The following MFAP2 variants were observed in gnomAD, a reference collection of about 807,000 sequenced individuals.
The protein encoded by MFAP2 is microfibril associated protein 2.
MFAP2 carries 23 observed loss-of-function variants against 30.6 expected under a neutral mutation model. The ratio of observed to expected loss-of-function variants is 0.75; its 90% confidence interval spans 0.54 to 1.07. The LOEUF (loss-of-function observed/expected upper bound fraction) is 1.07, where lower values mean the gene tolerates loss of function less well. Ranked by LOEUF, MFAP2 falls within the 50% of genes least tolerant of loss-of-function variation. MFAP2 has a pLI of 0.00. For missense variants in MFAP2, 198 were observed against 223.8 expected, an observed-to-expected ratio of 0.88 and a Z score of 0.74; for synonymous variants, 73 against 85.7, an observed-to-expected ratio of 0.85 and a Z score of 0.82.
chr1:16,978,100 A>C, intron 2 of MFAP2, 137 bp downstream of exon 2: 1 of 939,334 alleles, frequency 1.1e-6, no homozygotes, highest in South Asian at 1.7e-5. Flanking sequence ...TGGTCCAAGC[A>C]GGCAGAAGGC....
At position 16,975,269 on chromosome 1, in the gene MFAP2, C is replaced by CT; in HGVS notation, c.447dup (p.Ala150SerfsTer2). 1 of 1,613,282 alleles carries CT rather than the reference C, an allele frequency of 6.2e-7. No individual in the cohort carries two copies. Among genetic ancestry groups the CT allele is most frequent in the Non-Finnish European group, 8.5e-7 (1 of 1,179,550 alleles). ...GGTCTTGGGGAGGTGGCCTTCCTAC[C>CT]TCGGAGGAGCTCCTCATGGGCACAC... On this transcript the variant is annotated frameshift_variant and splice_region_variant, in exon 8 of 9. Transcript: ENST00000375535. LOFTEE classifies it high-confidence loss of function. This position sits in a 1 kb window ranked among gnomAD's most constrained non-coding sequence, Gnocchi z 5.0.
In MFAP2 at chr1:16,975,814, T is replaced by A; in HGVS notation, c.287-84A>T. On this transcript the variant is annotated intron_variant, in intron 6 of 8. Coordinates refer to ENST00000375535, the MANE Select transcript of MFAP2 (RefSeq NM_002403.4). The surrounding 1 kb of genome is among the most constrained non-coding windows in gnomAD (Gnocchi z 5.0). ...CCACCTGAGGCTGGCTCACAGGGCC[T>A]AGTCCCCCCTGTACCTTCAGGCCCC... The A allele has an allele frequency of 4.3e-6, 5 of 1,169,842 alleles. No homozygotes were observed. In the South Asian group the frequency reaches 6.5e-5, roughly 15 times the overall value. 72.5% of individuals were successfully genotyped at this position (1,169,842 alleles called of 1,614,324 possible).
intron 1 of MFAP2, among the ~76,000 whole-genome samples, 160 bp downstream of exon 1, chr1:16,980,427 C>T (rs1032108942): frequency 6.6e-6 from 1 of 151,972 alleles, no homozygotes; most frequent in Non-Finnish European, 1.5e-5. Context: ...TTTCCAGGTG[C>T]CCCCTTGGCC....
intron 1 of MFAP2, among the ~76,000 whole-genome samples, chr1:16,980,267 A>ACACCCCCCCCCCCCCCC (rs1557656639): frequency 1.5e-4 from 12 of 80,298 alleles, no homozygotes; most frequent in Non-Finnish European, 1.4e-4. Flanking sequence ...TTCCCACCGG[A>ACACCCCCCCCCCCCCCC]CCCCCCCCCC....
At position 16,975,337 on chromosome 1, in the gene MFAP2, C is replaced by T. The variant is rs187740466; in HGVS notation, c.380G>A (p.Arg127His). Residue 127 changes from arginine (R) to histidine (H), a missense_variant, in exon 8 of 9, where the codon CGC becomes CAC. Arg to His is a conservative substitution (Grantham distance 29). Transcript: ENST00000375535. The surrounding 1 kb of genome is among the most constrained non-coding windows in gnomAD (Gnocchi z 5.0). The stretch of plus-strand genomic sequence containing the variant: ...CTCCTTGTTAATGACGTACACACGG[C>T]GGAGGCTGCGGGGACAGGGCACGGG... ...CLNEVCFYSL[R>H]RVYVINKEIC... 4.4e-4 allele frequency: 709 copies of T among 1,613,776 alleles called. 2 individuals are homozygous for T. Among genetic ancestry groups the T allele is most frequent in the Non-Finnish European group, 5.8e-4 (687 of 1,179,822 alleles).
rs368519400 is a variant in MFAP2 at position 16,976,892 on chromosome 1, G to A, written c.154+5C>T. On this transcript the variant is annotated splice_donor_5th_base_variant and intron_variant, in intron 4 of 8. Coordinates refer to ENST00000375535, the MANE Select transcript of MFAP2 (RefSeq NM_002403.4). The surrounding 1 kb of genome is among the most constrained non-coding windows in gnomAD (Gnocchi z 5.5). ...GCCCGTCCTATCCTACCCCTAGCCC[G>A]TTACCTTGATAATCATAGTAGTCTG... 106 of 1,613,948 alleles carry A rather than the reference G, an allele frequency of 6.6e-5. No homozygotes were observed. Among genetic ancestry groups the A allele is most frequent in the African/African-American group, 1.2e-4 (9 of 74,884 alleles).
In MFAP2 at chr1:16,974,986, C is replaced by T. The variant is rs1363928724; in HGVS notation, c.486G>A (p.Val162=). The T allele has an allele frequency of 9.7e-7, 1 of 1,026,376 alleles. No homozygotes were observed. Among genetic ancestry groups the T allele is most frequent in the Admixed American group, 2.0e-5 (1 of 49,828 alleles). The allele number at this position is 1,026,376 out of a possible 1,614,324, so 63.6% of individuals were successfully genotyped here. ...LCRDKFSKCG[V]MASSGLCQSV... is the part of the protein sequence containing the mutation. Reference sequence around the variant, plus strand: ...ATTGGCACAGGCCGCTGCTGGCCATCACGCCACATTTGGAGAACTTGTCCC... The same window carrying T: ...ATTGGCACAGGCCGCTGCTGGCCATTACGCCACATTTGGAGAACTTGTCCC... Residue 162 remains valine, a synonymous_variant, in exon 9 of 9, where the codon GTG becomes GTA. Coordinates refer to ENST00000375535, the MANE Select transcript of MFAP2 (RefSeq NM_002403.4).
chr1:16,981,180 G>A (rs2076635989), upstream of MFAP2, among the ~76,000 whole-genome samples: 1 of 152,094 alleles, frequency 6.6e-6, no homozygotes. Flanking sequence ...TGTTGCCCAG[G>A]CTCGTCTGGA....
Position 16,975,260 on chromosome 1 carries a change from C to T in MFAP2, c.448+9G>A. The stretch of plus-strand genomic sequence containing the variant: ...GACAGGGGAGGTCTTGGGGAGGTGG[C>T]CTTCCTACCTCGGAGGAGCTCCTCA... On this transcript the variant is annotated intron_variant, in intron 8 of 8. Coordinates refer to ENST00000375535, the MANE Select transcript of MFAP2 (RefSeq NM_002403.4). This position sits in a 1 kb window ranked among gnomAD's most constrained non-coding sequence, Gnocchi z 5.0. 1.2e-6 allele frequency: 2 copies of T among 1,612,034 alleles called. No homozygotes were observed. The highest frequency in any genetic ancestry group is 2.2e-5 in the South Asian group (2 of 90,792).
In MFAP2 at chr1:16,975,824, T is replaced by A; in HGVS notation, c.287-94A>T. The A allele has an allele frequency of 9.5e-7, 1 of 1,057,916 alleles. No homozygotes were observed. The highest frequency in any genetic ancestry group is 1.6e-5 in the African/African-American group (1 of 62,578). 65.5% of individuals were successfully genotyped at this position (1,057,916 alleles called of 1,614,324 possible). ...CTGGCTCACAGGGCCTAGTCCCCCC[T>A]GTACCTTCAGGCCCCGTGCAGACAC... is the stretch of plus-strand genomic sequence containing the variant. On this transcript the variant is annotated intron_variant, in intron 6 of 8. Coordinates refer to ENST00000375535, the MANE Select transcript of MFAP2 (RefSeq NM_002403.4). This position sits in a 1 kb window ranked among gnomAD's most constrained non-coding sequence, Gnocchi z 5.0.
chr1:16,977,476 G>A, intron 2 of MFAP2: 1 of 427,536 alleles, frequency 2.3e-6, no homozygotes, highest in Admixed American at 3.8e-5. Context: ...CAGAGCCTTT[G>A]CACCTGACAC....
Position 16,976,853 on chromosome 1 carries a change from C to CA in MFAP2, c.154+43dup, listed in dbSNP as rs777838286. On this transcript the variant is annotated intron_variant, in intron 4 of 8. Coordinates refer to ENST00000375535, the MANE Select transcript of MFAP2 (RefSeq NM_002403.4). This position sits in a 1 kb window ranked among gnomAD's most constrained non-coding sequence, Gnocchi z 5.5. ...CTCTACCCCTCCCAGGGGGTCTCCC[C>CA]ACCCCAGCTGCCGGCCCGTCCTATC... 1 of 1,613,998 alleles carries CA rather than the reference C, an allele frequency of 6.2e-7. No homozygotes were observed. The highest frequency in any genetic ancestry group is 8.5e-7 in the Non-Finnish European group (1 of 1,179,924).
rs1465508206 is a variant in MFAP2, at chr1:16,975,024, C to T, written c.449-1G>A. 1 of 754,076 alleles carries T rather than the reference C, an allele frequency of 1.3e-6. No individual in the cohort carries two copies. Among genetic ancestry groups the T allele is most frequent in the Admixed American group, 2.1e-5 (1 of 47,134 alleles). The allele number at this position is 754,076 out of a possible 1,614,324, so 46.7% of individuals were successfully genotyped here. A position where few individuals can be genotyped will look rare whatever the true frequency, so the allele number is the denominator to read the frequency against. Reference sequence around the variant, plus strand: ...GAGAACTTGTCCCGACAGAGGTCAGCTATTGGGGGCAGGAAGGAGGCAGGG... The same window carrying T: ...GAGAACTTGTCCCGACAGAGGTCAGTTATTGGGGGCAGGAAGGAGGCAGGG... On this transcript the variant is annotated splice_acceptor_variant, in intron 8 of 8. Transcript: ENST00000375535. LOFTEE classifies it high-confidence loss of function. The surrounding 1 kb of genome is among the most constrained non-coding windows in gnomAD (Gnocchi z 5.0).
chr1:16,976,503 A>G lies in MFAP2; in HGVS notation c.284T>C (p.Leu95Pro). ...AELEPTEPGP[L>P]DCREEQYPCT... ...CCAGCTGTCAAGAAAGCCCTTACCA[A>G]GAGGCCCAGGCTCTGTGGGCTCCAG... Residue 95 changes from leucine to proline, a missense_variant and splice_region_variant, in exon 6 of 9, where the codon CTT (leucine) becomes CCT (proline). Coordinates refer to ENST00000375535, the MANE Select transcript of MFAP2 (RefSeq NM_002403.4). This position sits in a 1 kb window ranked among gnomAD's most constrained non-coding sequence, Gnocchi z 5.5. 6.2e-7 allele frequency: 1 copy of G among 1,614,206 alleles called. No individual in the cohort carries two copies. The highest frequency in any genetic ancestry group is 8.5e-7 in the Non-Finnish European group (1 of 1,180,020).
upstream of MFAP2, chr1:16,980,636 C>G (rs2076631727): frequency 6.6e-6 from 1 of 152,476 alleles, no homozygotes; most frequent in Admixed American, 6.6e-5. Flanking sequence ...CCGGAGCCGC[C>G]CCTTGGCCCG....
At chr1:16,979,241 C>T (rs1413155806) in intron 1 of MFAP2, 3 of 152,428 alleles carry the variant, frequency 2.0e-5, no homozygotes, top group East Asian at 1.9e-4. Flanking sequence ...CGGTTCCCCA[C>T]ATCCAGCCCC....
Position 16,975,584 on chromosome 1 carries a change from T to C in MFAP2, c.374+59A>G. On this transcript the variant is annotated intron_variant, in intron 7 of 8. Coordinates refer to ENST00000375535, the MANE Select transcript of MFAP2 (RefSeq NM_002403.4). This position sits in a 1 kb window ranked among gnomAD's most constrained non-coding sequence, Gnocchi z 5.0. ...ACCTTGGCGGGCCAGAGCTGTCCCC[T>C]GTGCCCTCTAGCCCCCCATGCTCCG... 3 of 1,539,984 alleles carry C rather than the reference T, an allele frequency of 1.9e-6. No individual in the cohort carries two copies. The highest frequency in any genetic ancestry group is 2.7e-6 in the Non-Finnish European group (3 of 1,116,942).
chr1:16,980,049 G>A (rs1264900186), intron 1 of MFAP2, among the ~76,000 whole-genome samples: 1 of 151,900 alleles, frequency 6.6e-6, no homozygotes, highest in East Asian at 2.0e-4. Flanking sequence ...GTGGGGGACA[G>A]GGGGCCCCGA....
chr1:16,980,267 A>ACAACCCCCCCC (rs1557656639), intron 1 of MFAP2, among the ~76,000 whole-genome samples: 1 of 80,298 alleles, frequency 1.2e-5, no homozygotes, highest in Non-Finnish European at 2.3e-5. Context: ...TTCCCACCGG[A>ACAACCCCCCCC]CCCCCCCCCC....
Sources: allele counts gnomAD v4.1 joint callset (sites outside exome capture counted in the v4.1 genomes callset), GRCh38; gene constraint gnomAD v4.1.1; non-coding constraint Gnocchi (gnomAD v3.1); transcripts MANE v1.5; gene names NCBI Gene and HGNC (gene_info 2026-07-23, HGNC 2026-07-21).